Variants in GRIA3 observed in about 807,000 individuals in gnomAD.
GRIA3 encodes the protein glutamate receptor 3.
GRIA3 carries 3 observed loss-of-function variants against 63.0 expected under a neutral mutation model. The ratio of observed to expected loss-of-function variants is 0.05; its 90% CI spans 0.02 to 0.12. GRIA3 has a LOEUF of 0.12. GRIA3 is among the 10% of genes least tolerant of loss of function. The pLI is 1.00. For missense variants in GRIA3, 347 were observed against 700.9 expected, an observed-to-expected ratio of 0.50 and a Z score of 5.70; for synonymous variants, 274 against 257.9, an observed-to-expected ratio of 1.06 and a Z score of -0.60.
At chrX:123,264,828 C>A (rs1263592061) in intron 3 of GRIA3, among the ~76,000 whole-genome samples, 2 of 111,814 alleles carry the variant, frequency 1.8e-5, no homozygotes. Context: ...TTTGTCACCA[C>A]ATGTCAAGAA....
At chrX:123,246,842 A>G (rs1303144043) in intron 2 of GRIA3, among the ~76,000 whole-genome samples, 1 of 105,795 alleles carries the variant, frequency 9.5e-6, no homozygotes, top group Non-Finnish European at 1.9e-5. Context: ...ATATAGCACT[A>G]AAGAGTAGAA....
chrX:123,260,507 A>G lies in GRIA3; in HGVS notation c.508+6965A>G, dbSNP rs5958204. Among the ~76,000 whole-genome samples, 12 of 18,071 alleles carry G rather than the reference A, an allele frequency of 6.6e-4. 2 individuals are homozygous for G. The highest frequency in any genetic ancestry group is 9.7e-4 in the Non-Finnish European group (6 of 6,194). 15.7% of individuals were successfully genotyped at this position (18,071 alleles called of 115,157 possible). A position where few individuals can be genotyped will look rare whatever the true frequency, so the allele number is the denominator to read the frequency against. On this transcript the variant is annotated intron_variant, in intron 3 of 15. Transcript: ENST00000620443. Reference sequence around the variant, plus strand: ...AAGAAAGAAAGAAAGAAAGAAAGAAAGAAAGAAAGAAAGAAAGAAAGGAAA... The same window carrying G: ...AAGAAAGAAAGAAAGAAAGAAAGAAGGAAAGAAAGAAAGAAAGAAAGGAAA...
chrX:123,457,677 A>T (rs908168314), intron 12 of GRIA3, among the ~76,000 whole-genome samples: 1 of 112,301 alleles, frequency 8.9e-6, no homozygotes, highest in Admixed American at 9.4e-5. Flanking sequence ...CAGTAAATTA[A>T]TAGCATAAAT....
intron 2 of GRIA3, among the ~76,000 whole-genome samples, chrX:123,232,255 T>C (rs753361407): frequency 9.0e-6 from 1 of 111,675 alleles, no homozygotes; most frequent in Non-Finnish European, 1.9e-5. Context: ...ACTAAAACTA[T>C]GTAGCAGTTG....
chrX:123,486,978 A>G (rs1229670478), intron 15 of GRIA3, among the ~76,000 whole-genome samples: 1 of 112,327 alleles, frequency 8.9e-6, no homozygotes, highest in Non-Finnish European at 1.9e-5. Flanking sequence ...AAGATGAGGG[A>G]GTCGTTTCTC....
chrX:123,453,869 G>A (rs1253770419), intron 12 of GRIA3, among the ~76,000 whole-genome samples: 1 of 111,862 alleles, frequency 8.9e-6, no homozygotes, highest in Non-Finnish European at 1.9e-5. Context: ...ACGCAGGGGA[G>A]TGGAAAATGA....
At chrX:123,235,672 T>G (rs928695710) in intron 2 of GRIA3, among the ~76,000 whole-genome samples, 1 of 111,826 alleles carries the variant, frequency 8.9e-6, no homozygotes, top group Admixed American at 9.5e-5. Flanking sequence ...GAAGGGAAAT[T>G]GTGTTATTGT....
chrX:123,315,985 G>A (rs2044828162), intron 3 of GRIA3, among the ~76,000 whole-genome samples: 1 of 97,613 alleles, frequency 1.0e-5, no homozygotes, highest in Non-Finnish European at 2.0e-5. Flanking sequence ...AGACCAGCCT[G>A]GGCAACATAG....
chrX:123,472,889 A>ATTGAAT (rs1438058735), intron 13 of GRIA3, among the ~76,000 whole-genome samples: 2 of 112,746 alleles, frequency 1.8e-5, no homozygotes. Flanking sequence ...TGCACGCATT[A>ATTGAAT]TTGAATTTTC....
At chrX:123,387,398 G>C (rs1324168528) in intron 5 of GRIA3, among the ~76,000 whole-genome samples, 1 of 111,718 alleles carries the variant, frequency 9.0e-6, no homozygotes, top group Non-Finnish European at 1.9e-5. Flanking sequence ...AGGACAATTT[G>C]ACTTCCCCCT....
chrX:123,447,493 G>C (rs767272400), intron 12 of GRIA3, among the ~76,000 whole-genome samples: 6 of 111,555 alleles, frequency 5.4e-5, no homozygotes, highest in Non-Finnish European at 1.1e-4. Flanking sequence ...TTACTTTGGA[G>C]GGTTTTCAGA....
intron 4 of GRIA3, among the ~76,000 whole-genome samples, chrX:123,339,667 C>T (rs777491019): frequency 2.4e-4 from 27 of 112,230 alleles, no homozygotes; most frequent in African/African-American, 8.7e-4. Context: ...CATTGAAGAT[C>T]ATCTGGTTTG....
At chrX:123,238,640 G>T (rs1351440580) in intron 2 of GRIA3, among the ~76,000 whole-genome samples, 1 of 111,954 alleles carries the variant, frequency 8.9e-6, no homozygotes, top group Non-Finnish European at 1.9e-5. Context: ...TTTAATGCTA[G>T]GTCATGACTC....
At chrX:123,188,033 G>C (rs1927326277) in intron 2 of GRIA3, among the ~76,000 whole-genome samples, 1 of 112,035 alleles carries the variant, frequency 8.9e-6, no homozygotes, top group Admixed American at 9.4e-5. Flanking sequence ...TGAGAGTTCG[G>C]GAGAAGGAGT....
At chrX:123,254,145 GGTTTT>G (rs1256952292) in intron 3 of GRIA3, among the ~76,000 whole-genome samples, 1 of 111,083 alleles carries the variant, frequency 9.0e-6, no homozygotes. Flanking sequence ...TTTTGTTTTT[GGTTTT>G]GTTTTTGTTT....
intron 5 of GRIA3, among the ~76,000 whole-genome samples, chrX:123,376,023 G>A (rs888676322): frequency 8.9e-6 from 1 of 111,961 alleles, no homozygotes; most frequent in Admixed American, 9.5e-5. Flanking sequence ...CAATAAAGCA[G>A]GATCAAGAGC....
chrX:123,308,574 T>C (rs1406782716), intron 3 of GRIA3, among the ~76,000 whole-genome samples: 1 of 112,057 alleles, frequency 8.9e-6, no homozygotes, highest in Non-Finnish European at 1.9e-5. Flanking sequence ...ATATTAAGGC[T>C]AAAAGAATTT....
intron 12 of GRIA3, 72 bp from the exon 13 acceptor site, chrX:123,464,793 A>T (rs1692005461): frequency 2.0e-6 from 2 of 1,024,982 alleles, no homozygotes; most frequent in Non-Finnish European, 2.7e-6. Flanking sequence ...TTAAAAAAAA[A>T]AAACTACTGC....
At chrX:123,379,274 G>C (rs1195926039) in intron 5 of GRIA3, among the ~76,000 whole-genome samples, 1 of 111,020 alleles carries the variant, frequency 9.0e-6, no homozygotes, top group Non-Finnish European at 1.9e-5. Flanking sequence ...TACTGTTTTA[G>C]TGCCTTTACA....
Sources: allele counts gnomAD v4.1 joint callset (sites outside exome capture counted in the v4.1 genomes callset), GRCh38; gene constraint gnomAD v4.1.1; transcripts MANE v1.5; gene names NCBI Gene and HGNC (gene_info 2026-07-23, HGNC 2026-07-21).